NBEA: variants seen among roughly 807,000 people sequenced by gnomAD.
The protein encoded by NBEA is neurobeachin, also known as lysosomal-trafficking regulator 2.
Under a neutral mutation model 343.4 loss-of-function variants are expected in NBEA, and 44 were observed. That is an observed-to-expected ratio of 0.13 (90% CI 0.10 to 0.16). NBEA has a LOEUF of 0.16. NBEA is among the 10% of genes least tolerant of loss of function. NBEA has a pLI of 1.00. For synonymous variants in NBEA, 1,175 were observed against 1,238.7 expected, an observed-to-expected ratio of 0.95 and a Z score of 1.08; for missense variants, 2,555 against 3,631.3, an observed-to-expected ratio of 0.70 and a Z score of 7.62.
chr13:35,251,614 G>A, intron 34 of NBEA: 2 of 1,176,226 alleles, frequency 1.7e-6, no homozygotes, highest in Non-Finnish European at 2.2e-6. Flanking sequence ...TCAGCGGGAA[G>A]CAGAGATGGC....
chr13:35,273,513 G>C (rs958850464), intron 34 of NBEA, among the ~76,000 whole-genome samples: 1 of 152,048 alleles, frequency 6.6e-6, no homozygotes, highest in Non-Finnish European at 1.5e-5. Flanking sequence ...CTAAGATAAA[G>C]AGCAGAACTG....
intron 44 of NBEA, 34 bp from the exon 45 acceptor site, chr13:35,566,871 T>C (rs1184852985): frequency 3.5e-6 from 4 of 1,143,020 alleles, no homozygotes; most frequent in Non-Finnish European, 5.2e-6. Flanking sequence ...GCATTTTGTG[T>C]GTACAAATTT....
chr13:35,077,406 G>A (rs186833258), intron 10 of NBEA, among the ~76,000 whole-genome samples: 3 of 152,134 alleles, frequency 2.0e-5, no homozygotes, highest in Non-Finnish European at 2.9e-5. Flanking sequence ...ATGTTACTGA[G>A]GAACATTGTC....
At chr13:35,039,185 C>T (rs1226352177) in intron 1 of NBEA, among the ~76,000 whole-genome samples, 1 of 152,074 alleles carries the variant, frequency 6.6e-6, no homozygotes, top group African/African-American at 2.4e-5. Context: ...CTCTGTTCTC[C>T]CTTCACCAGC....
At chr13:35,387,903 A>G (rs551355720) in intron 38 of NBEA, among the ~76,000 whole-genome samples, 2 of 152,252 alleles carry the variant, frequency 1.3e-5, no homozygotes, top group South Asian at 4.1e-4. Context: ...TTTTCCCTGC[A>G]AGGAGATATA....
intron 38 of NBEA, among the ~76,000 whole-genome samples, chr13:35,381,487 A>G (rs1315368417): frequency 6.6e-6 from 1 of 152,156 alleles, no homozygotes; most frequent in East Asian, 1.9e-4. Flanking sequence ...TGCTTTATAA[A>G]GACATACATG....
intron 35 of NBEA, among the ~76,000 whole-genome samples, chr13:35,308,755 C>A (rs78857391): frequency 6.7e-6 from 1 of 149,316 alleles, no homozygotes. Context: ...AAATCACTAG[C>A]ATAAACCAAA....
intron 18 of NBEA, among the ~76,000 whole-genome samples, chr13:35,149,428 C>G (rs533557842): frequency 1.9e-4 from 29 of 152,086 alleles, no homozygotes; most frequent in African/African-American, 7.0e-4. Flanking sequence ...CTAAGACTCA[C>G]AGGTTAAATA....
At chr13:35,586,548 A>T (rs2081299756) in intron 46 of NBEA, among the ~76,000 whole-genome samples, 1 of 152,246 alleles carries the variant, frequency 6.6e-6, no homozygotes, top group African/African-American at 2.4e-5. Context: ...TTATTAAATC[A>T]GTCTAGTTTA....
At chr13:35,244,600 C>T (rs1483762922) in intron 34 of NBEA, among the ~76,000 whole-genome samples, 1 of 151,818 alleles carries the variant, frequency 6.6e-6, no homozygotes, top group Non-Finnish European at 1.5e-5. Flanking sequence ...TATGTGGGCT[C>T]TTTTTTGGTT....
At position 35,388,471 on chromosome 13, in the gene NBEA, C is replaced by CT. The variant is rs2042353992; in HGVS notation, c.6179+36154dup. 2.0e-5 allele frequency among the ~76,000 whole-genome samples: 3 copies of CT among 152,142 alleles called. No homozygotes were observed. In the East Asian group the frequency reaches 5.8e-4, roughly 29 times the overall value. The stretch of plus-strand genomic sequence containing the variant: ...TAAGATAATTTATATTGTATGCTAG[C>CT]TTTTTTGACAAAGATATTTAATATG... On this transcript the variant is annotated intron_variant, in intron 38 of 58. Coordinates refer to ENST00000379939, the MANE Select transcript of NBEA (RefSeq NM_001385012.1).
chr13:35,122,893 A>G (rs1452616857), intron 16 of NBEA, among the ~76,000 whole-genome samples: 1 of 152,188 alleles, frequency 6.6e-6, no homozygotes, highest in Non-Finnish European at 1.5e-5. Context: ...TTTTGAATTC[A>G]AGAGCCCAGC....
At chr13:35,152,196 T>C (rs1212639743) in intron 18 of NBEA, among the ~76,000 whole-genome samples, 1 of 152,096 alleles carries the variant, frequency 6.6e-6, no homozygotes. Context: ...AAAACATATA[T>C]TTTTTAAATT....
At chr13:35,378,769 C>T (rs1253626055) in intron 38 of NBEA, among the ~76,000 whole-genome samples, 1 of 151,730 alleles carries the variant, frequency 6.6e-6, no homozygotes, top group African/African-American at 2.4e-5. Flanking sequence ...AAGACACAGA[C>T]AATTACCAAC....
intron 36 of NBEA, among the ~76,000 whole-genome samples, chr13:35,315,358 A>G (rs2037645224): frequency 1.3e-5 from 2 of 152,298 alleles, no homozygotes; most frequent in South Asian, 4.1e-4. Context: ...ACCGGCTGAA[A>G]TTATACACTG....
At chr13:35,229,709 T>C (rs2074862180) in intron 33 of NBEA, among the ~76,000 whole-genome samples, 1 of 152,168 alleles carries the variant, frequency 6.6e-6, no homozygotes. Context: ...TATGTCTTTT[T>C]TGGTATTTTT....
At chr13:35,155,191 G>A (rs1423582407) in intron 18 of NBEA, among the ~76,000 whole-genome samples, 2 of 144,596 alleles carry the variant, frequency 1.4e-5, no homozygotes, top group African/African-American at 5.1e-5. Context: ...ACACTGAAAA[G>A]GCATTTCAAA....
chr13:34,978,571 A>G (rs952520484), intron 1 of NBEA, among the ~76,000 whole-genome samples: 1 of 152,178 alleles, frequency 6.6e-6, no homozygotes, highest in Non-Finnish European at 1.5e-5. Flanking sequence ...AACCTAGAAC[A>G]TTATAGTCAT....
At chr13:35,059,590 AGG>A (rs2063389815) in intron 8 of NBEA, among the ~76,000 whole-genome samples, 1 of 151,894 alleles carries the variant, frequency 6.6e-6, no homozygotes, top group Admixed American at 6.6e-5. Context: ...ATAATTCTGA[AGG>A]AGTACTTGTC....
Sources: allele counts gnomAD v4.1 joint callset (sites outside exome capture counted in the v4.1 genomes callset), GRCh38; gene constraint gnomAD v4.1.1; transcripts MANE v1.5; gene names NCBI Gene and HGNC (gene_info 2026-07-23, HGNC 2026-07-21).